SRSF4: variants seen among roughly 807,000 people sequenced by gnomAD.
SRSF4 encodes serine and arginine rich splicing factor 4, also known as serine/arginine-rich splicing factor 4.
Under a neutral mutation model 48.8 loss-of-function variants are expected in SRSF4, and 12 were observed. That is an observed-to-expected ratio of 0.25 (90% CI 0.16 to 0.40). The LOEUF is 0.40. SRSF4 is among the 10% of genes least tolerant of loss of function. The pLI, the probability that SRSF4 is intolerant of heterozygous loss-of-function variation, is 1.00. For synonymous variants in SRSF4, 248 were observed against 232.5 expected (o/e 1.07, Z -0.61); for missense variants, 466 against 667.1 (o/e 0.70, Z 3.32).
rs758410958 is a variant in SRSF4, at chr1:29,162,391, TTAGA to T, written c.108-1878_108-1875del. 2.0e-5 allele frequency among the ~76,000 whole-genome samples: 3 copies of T among 152,216 alleles called. No individual in the cohort carries two copies. The East Asian group carries it at 5.8e-4, about 29-fold the overall frequency. The stretch of plus-strand genomic sequence containing the variant: ...TATAATGTAGCTGCTTTTTCCTTTC[TTAGA>T]TAGAATGGGTCATTAGGAAAACTAT... On this transcript the variant is annotated intron_variant, in intron 1 of 5. Coordinates refer to ENST00000373795, the MANE Select transcript of SRSF4 (RefSeq NM_005626.5).
chr1:29,174,735 C>A (rs1387662276), intron 1 of SRSF4, among the ~76,000 whole-genome samples: 1 of 149,240 alleles, frequency 6.7e-6, no homozygotes, highest in Non-Finnish European at 1.5e-5. Flanking sequence ...GTGCAGTGGC[C>A]CGATCTAGGC....
chr1:29,159,271 T>A (rs748110390), intron 3 of SRSF4, 103 bp downstream of exon 3: 1 of 705,560 alleles, frequency 1.4e-6, no homozygotes, highest in Non-Finnish European at 2.5e-6. Flanking sequence ...CTTTCAAACA[T>A]ATAACACTGT....
At chr1:29,181,533 C>G (rs970722719) in intron 1 of SRSF4, 113 bp downstream of exon 1, 9 of 937,704 alleles carry the variant, frequency 9.6e-6, no homozygotes, top group African/African-American at 5.2e-5. Context: ...CGGAGCCTGG[C>G]CAGGCCGGTA....
chr1:29,151,528 A>C (rs529709078), intron 4 of SRSF4, among the ~76,000 whole-genome samples: 1 of 152,222 alleles, frequency 6.6e-6, no homozygotes, highest in Admixed American at 6.5e-5. Context: ...CCTAAGCAAA[A>C]TAAATGTCAT....
chr1:29,161,668 A>G (rs1381298473), intron 1 of SRSF4, among the ~76,000 whole-genome samples: 3 of 152,224 alleles, frequency 2.0e-5, no homozygotes, highest in Non-Finnish European at 2.9e-5. Flanking sequence ...GTGCGATCTC[A>G]GCTCACTGCA....
intron 1 of SRSF4, among the ~76,000 whole-genome samples, chr1:29,174,871 A>G (rs1672812601): frequency 6.6e-6 from 1 of 151,342 alleles, no homozygotes; most frequent in Admixed American, 6.6e-5. Flanking sequence ...ACAGGGTTTC[A>G]CCATGTTGGC....
At chr1:29,152,072 G>T (rs1046485454) in intron 4 of SRSF4, among the ~76,000 whole-genome samples, 26 of 152,226 alleles carry the variant, frequency 1.7e-4, no homozygotes, top group South Asian at 6.2e-4. Context: ...GAACCCAGGA[G>T]TTCAAGACCA....
At position 29,175,694 on chromosome 1, in the gene SRSF4, CAAAA is replaced by C. The variant is rs60942124; in HGVS notation, c.107+5948_107+5951del. ...TGGGCGACAGAGCCAGACGCTGTCT[CAAAA>C]AAAAAAAAAAAAAAAAAAAAAAAAA... On this transcript the variant is annotated intron_variant, in intron 1 of 5. Coordinates refer to ENST00000373795, the MANE Select transcript of SRSF4 (RefSeq NM_005626.5). Among the ~76,000 whole-genome samples, 957 of 38,418 alleles carry C rather than the reference CAAAA, an allele frequency of 0.025. 17 individuals carry two copies. The East Asian group carries it at 0.33, about 13-fold the overall frequency. 25.2% of individuals were successfully genotyped at this position (38,418 alleles called of 152,430 possible).
Position 29,148,757 on chromosome 1 carries a change from G to T in SRSF4, c.1138C>A (p.Arg380=), listed in dbSNP as rs1002849510. ...GCCTTGCTGTCTCGCTTGCTGCCTC[G>T]CTTTCTGCTCCTCTCACTCTTGCTG... ...SRSKSERSRK[R]GSKRDSKAGS... The change falls in exon 6 of 6, where the codon CGA becomes AGA. Residue 380 remains arginine (R), a synonymous_variant. Coordinates refer to ENST00000373795, the MANE Select transcript of SRSF4 (RefSeq NM_005626.5). 2 of 1,613,228 alleles carry T rather than the reference G, an allele frequency of 1.2e-6. No individual in the cohort carries two copies. The highest frequency in any genetic ancestry group is 1.7e-5 in the Admixed American group (1 of 59,944).
At chr1:29,175,157 C>T (rs1249449858) in intron 1 of SRSF4, among the ~76,000 whole-genome samples, 1 of 152,068 alleles carries the variant, frequency 6.6e-6, no homozygotes, top group African/African-American at 2.4e-5. Context: ...TGTGGTGGCT[C>T]ACGCCTGTAA....
At chr1:29,180,286 G>C (rs1169246865) in intron 1 of SRSF4, among the ~76,000 whole-genome samples, 1 of 151,994 alleles carries the variant, frequency 6.6e-6, no homozygotes, top group African/African-American at 2.4e-5. Flanking sequence ...TATATGGTAT[G>C]TATACAATAA....
At chr1:29,158,587 G>C (rs970950156) in intron 3 of SRSF4, among the ~76,000 whole-genome samples, 1 of 151,694 alleles carries the variant, frequency 6.6e-6, no homozygotes, top group African/African-American at 2.4e-5. Context: ...CCACCACCAC[G>C]CCCGGCTAAT....
At chr1:29,159,510 G>T in intron 2 of SRSF4, 24 bp from the exon 3 acceptor site, 20 of 1,554,354 alleles carry the variant, frequency 1.3e-5, no homozygotes, top group Non-Finnish European at 1.7e-5. Flanking sequence ...AAATAAATAA[G>T]ATTATTTCAG....
chr1:29,164,395 T>C (rs978112368), intron 1 of SRSF4, among the ~76,000 whole-genome samples: 5 of 152,270 alleles, frequency 3.3e-5, no homozygotes, highest in African/African-American at 1.2e-4. Flanking sequence ...ACTCCCTTTG[T>C]GCTTTGCAGC....
chr1:29,167,906 G>A (rs979960272), intron 1 of SRSF4, among the ~76,000 whole-genome samples: 1 of 151,798 alleles, frequency 6.6e-6, no homozygotes, highest in Admixed American at 6.6e-5. Flanking sequence ...GAGGCTTGGA[G>A]TAAGCAACTT....
At chr1:29,167,455 G>A (rs1321513215) in intron 1 of SRSF4, among the ~76,000 whole-genome samples, 1 of 152,232 alleles carries the variant, frequency 6.6e-6, no homozygotes, top group African/African-American at 2.4e-5. Context: ...CACAATCTTG[G>A]CTCACTGCAG....
At chr1:29,181,519 A>T in intron 1 of SRSF4, 127 bp downstream of exon 1, 1 of 767,826 alleles carries the variant, frequency 1.3e-6, no homozygotes, top group Non-Finnish European at 1.9e-6. Context: ...CGCCGCCACT[A>T]TGGCGGAGCC....
chr1:29,180,006 C>A (rs1018563290), intron 1 of SRSF4, among the ~76,000 whole-genome samples: 3 of 152,238 alleles, frequency 2.0e-5, no homozygotes, highest in African/African-American at 7.2e-5. Flanking sequence ...TTATCAAACA[C>A]CAACAAGCAA....
In SRSF4 at chr1:29,181,792, C is replaced by G; in HGVS notation, c.-40G>C. 2 of 1,506,380 alleles carry G rather than the reference C, an allele frequency of 1.3e-6. No individual in the cohort carries two copies. The highest frequency in any genetic ancestry group is 1.2e-5 in the South Asian group (1 of 81,086). 93.3% of individuals were successfully genotyped at this position (1,506,380 alleles called of 1,614,324 possible). A position where few individuals can be genotyped will look rare whatever the true frequency, so the allele number is the denominator to read the frequency against. ...TGATGGCTGGCCCCGGCCCCAGCCC[C>G]CCTTAGGCGGCGGCGGGCAAAGCGA... On this transcript the variant is annotated 5_prime_UTR_variant, in exon 1 of 6. Coordinates refer to ENST00000373795, the MANE Select transcript of SRSF4 (RefSeq NM_005626.5).
Sources: gnomAD v4.1 joint callset for allele counts (sites outside exome capture counted in the v4.1 genomes callset) on GRCh38, gnomAD v4.1.1 for gene constraint, MANE v1.5 for transcripts, NCBI Gene and HGNC (gene_info 2026-07-23, HGNC 2026-07-21) for gene names.